The following LRBA variants were observed in gnomAD, a reference collection of about 807,000 sequenced individuals.
LRBA encodes the protein LPS responsive beige-like anchor protein.
Under a neutral mutation model 330.0 loss-of-function variants are expected in LRBA, and 176 were observed. The observed-to-expected ratio is 0.53, with a 90% CI of 0.47 to 0.60. The LOEUF is 0.60. LRBA is among the 20% of genes least tolerant of loss of function. The pLI is 0.00. For synonymous variants in LRBA, 1,230 were observed against 1,193.0 expected (o/e 1.03, Z -0.64); for missense variants, 3,259 against 3,444.8 (o/e 0.95, Z 1.35).
intron 47 of LRBA, among the ~76,000 whole-genome samples, chr4:150,381,124 T>C (rs1742203475): frequency 6.6e-6 from 1 of 152,158 alleles, no homozygotes; most frequent in Admixed American, 6.5e-5. Context: ...TCAAAACTAC[T>C]GAATTTTTTA....
intron 52 of LRBA, among the ~76,000 whole-genome samples, chr4:150,303,685 C>T (rs2126852660): frequency 6.6e-6 from 1 of 152,236 alleles, no homozygotes; most frequent in Non-Finnish European, 1.5e-5. Flanking sequence ...CATTCTCCTG[C>T]TCAGCCTCCC....
At chr4:150,493,852 C>T (rs77786135) in intron 40 of LRBA, among the ~76,000 whole-genome samples, 2 of 152,078 alleles carry the variant, frequency 1.3e-5, no homozygotes, top group African/African-American at 4.8e-5. Context: ...CTGGTAATTG[C>T]TGAGCTTTGG....
chr4:150,465,069 C>T (rs531124532), intron 44 of LRBA, among the ~76,000 whole-genome samples: 2 of 152,018 alleles, frequency 1.3e-5, no homozygotes, highest in Non-Finnish European at 2.9e-5. Flanking sequence ...CTCCCTCACC[C>T]CAGGCCCTGG....
At chr4:150,968,210 G>A (rs1739126230) in intron 2 of LRBA, among the ~76,000 whole-genome samples, 1 of 151,958 alleles carries the variant, frequency 6.6e-6, no homozygotes, top group African/African-American at 2.4e-5. Context: ...CACCATGTTG[G>A]CCAGGCTAGT....
chr4:150,482,992 C>T (rs1172609065), intron 42 of LRBA, among the ~76,000 whole-genome samples: 1 of 151,928 alleles, frequency 6.6e-6, no homozygotes, highest in Non-Finnish European at 1.5e-5. Flanking sequence ...TAAGAGTTGG[C>T]ATTTCAAAGC....
intron 2 of LRBA, among the ~76,000 whole-genome samples, chr4:150,963,842 G>A (rs1181109371): frequency 5.6e-5 from 8 of 142,010 alleles, no homozygotes; most frequent in Admixed American, 2.1e-4. Context: ...CAGTCATCCC[G>A]TCTAGGAAGT....
intron 3 of LRBA, 67 bp from the exon 4 acceptor site, chr4:150,928,683 G>A: frequency 1.5e-6 from 2 of 1,378,880 alleles, no homozygotes; most frequent in Non-Finnish European, 2.0e-6. Context: ...AAAATAAACT[G>A]TGCTTATTTA....
At chr4:150,296,197 G>GTT (rs143989030) in intron 53 of LRBA, among the ~76,000 whole-genome samples, 1 of 151,954 alleles carries the variant, frequency 6.6e-6, no homozygotes, top group South Asian at 2.1e-4. Context: ...TTAAAAATAC[G>GTT]TAAGTAAGGG....
chr4:150,615,332 CAT>C (rs1294115278), intron 37 of LRBA, among the ~76,000 whole-genome samples: 1 of 152,160 alleles, frequency 6.6e-6, no homozygotes, highest in Non-Finnish European at 1.5e-5. Flanking sequence ...TGAGACCTGA[CAT>C]GTTTTAACGT....
chr4:150,297,190 T>G (rs1361920537), intron 53 of LRBA, among the ~76,000 whole-genome samples: 1 of 152,210 alleles, frequency 6.6e-6, no homozygotes, highest in African/African-American at 2.4e-5. Flanking sequence ...ACAGTCATTT[T>G]TCTCTGCAAC....
At chr4:150,273,207 A>T (rs930434309) in intron 56 of LRBA, among the ~76,000 whole-genome samples, 1 of 152,204 alleles carries the variant, frequency 6.6e-6, no homozygotes, top group Non-Finnish European at 1.5e-5. Flanking sequence ...TATCCAGCCA[A>T]ACTAAGCTTC....
intron 40 of LRBA, among the ~76,000 whole-genome samples, chr4:150,564,491 A>G (rs894455478): frequency 2.0e-5 from 3 of 152,144 alleles, no homozygotes; most frequent in Non-Finnish European, 4.4e-5. Flanking sequence ...GGACTTCATG[A>G]CTAAAACACC....
chr4:150,622,688 C>CTTTTTTTTTTTTTTT lies in LRBA; in HGVS notation c.5922-23572_5922-23558dup, dbSNP rs10528461. On this transcript the variant is annotated intron_variant, in intron 37 of 56. Transcript: ENST00000651943. ...GAAGACAACAGTCACCTAAATCAAT[C>CTTTTTTTTTTTTTTT]TTTTTTTTTTTTTTTTTTTTTTTTT... 2.3e-4 allele frequency among the ~76,000 whole-genome samples: 24 copies of CTTTTTTTTTTTTTTT among 105,644 alleles called. 2 individuals carry two copies. The highest frequency in any genetic ancestry group is 9.1e-4 in the African/African-American group (22 of 24,114). The allele number at this position is 105,644 out of a possible 152,430, so 69.3% of individuals were successfully genotyped here.
At chr4:150,789,506 T>A (rs1438743981) in intron 34 of LRBA, among the ~76,000 whole-genome samples, 1 of 152,182 alleles carries the variant, frequency 6.6e-6, no homozygotes, top group Non-Finnish European at 1.5e-5. Flanking sequence ...AAATAATAAT[T>A]TTATCGCAGC....
intron 22 of LRBA, among the ~76,000 whole-genome samples, chr4:150,862,461 T>C (rs984193812): frequency 3.3e-5 from 5 of 151,870 alleles, no homozygotes; most frequent in African/African-American, 9.7e-5. Flanking sequence ...TTCTCACTCA[T>C]AGGTGGGAAT....
chr4:150,506,841 G>C (rs939352524), intron 40 of LRBA, among the ~76,000 whole-genome samples: 23 of 152,174 alleles, frequency 1.5e-4, no homozygotes, highest in Middle Eastern at 3.4e-3. Flanking sequence ...ATTGTCTCAG[G>C]CCAAAATCTC....
chr4:150,383,246 C>CA lies in LRBA; in HGVS notation c.7194+32191dup, dbSNP rs1465182920. 2.6e-5 allele frequency among the ~76,000 whole-genome samples: 4 copies of CA among 151,892 alleles called. No individual in the cohort carries two copies. In the East Asian group the frequency reaches 7.7e-4, roughly 29 times the overall value. ...TAAAATATAATTATCAGTTTTTAGT[C>CA]AATCTTTTCTTTTCTTTTTTGAGAC... On this transcript the variant is annotated intron_variant, in intron 47 of 56. Transcript: ENST00000651943.
At chr4:150,908,242 A>C (rs1300370570) in intron 11 of LRBA, 92 bp downstream of exon 11, 4 of 1,278,378 alleles carry the variant, frequency 3.1e-6, no homozygotes, top group Non-Finnish European at 4.3e-6. Flanking sequence ...TTATTTTGAC[A>C]CAACAAAACC....
At chr4:150,584,251 T>C in intron 40 of LRBA, 1 of 939,348 alleles carries the variant, frequency 1.1e-6, no homozygotes, top group South Asian at 3.7e-5. Flanking sequence ...CCTTCATTAA[T>C]TAAGAAGCAA....
Sources: allele counts gnomAD v4.1 joint callset (sites outside exome capture counted in the v4.1 genomes callset), GRCh38; gene constraint gnomAD v4.1.1; transcripts MANE v1.5; gene names NCBI Gene and HGNC (gene_info 2026-07-23, HGNC 2026-07-21).